MACROD2: variants seen among roughly 807,000 people sequenced by gnomAD.
MACROD2 encodes the protein mono-ADP ribosylhydrolase 2.
MACROD2 carries 36 observed loss-of-function variants against 70.4 expected under a neutral mutation model. The observed-to-expected ratio is 0.51, with a 90% CI of 0.39 to 0.68. The LOEUF (loss-of-function observed/expected upper bound fraction) is 0.68. MACROD2 is among the 30% of genes least tolerant of loss of function. The pLI is 0.00. For missense variants in MACROD2, 496 were observed against 538.4 expected (o/e 0.92, Z 0.78); for synonymous variants, 172 against 178.8 (o/e 0.96, Z 0.30).
At position 14,393,200 on chromosome 20, in the gene MACROD2, TG is replaced by T. The variant is rs368528434; in HGVS notation, c.272-100278del. On this transcript the variant is annotated intron_variant, in intron 3 of 17. Coordinates refer to ENST00000684519, the MANE Select transcript of MACROD2 (RefSeq NM_001351661.2). Reference sequence around the variant, plus strand: ...CTAAGATATGGTTTCACAATACATGTGAAACACATTTAGGTCAGGAGTTTAG... The same window carrying T: ...CTAAGATATGGTTTCACAATACATGTAAACACATTTAGGTCAGGAGTTTAG... 4.3e-3 allele frequency among the ~76,000 whole-genome samples: 650 copies of T among 152,208 alleles called. 1 individual carries two copies. The highest frequency in any genetic ancestry group is 7.7e-3 in the Non-Finnish European group (524 of 68,014).
chr20:15,676,170 T>G (rs1185946339), intron 8 of MACROD2, among the ~76,000 whole-genome samples: 1 of 152,226 alleles, frequency 6.6e-6, no homozygotes, highest in Admixed American at 6.5e-5. Context: ...TTGTACAATT[T>G]TTTGCTCTTT....
intron 5 of MACROD2, among the ~76,000 whole-genome samples, chr20:14,862,516 TATAA>T (rs1445278568): frequency 2.4e-4 from 6 of 24,564 alleles, no homozygotes; most frequent in African/African-American, 2.9e-4. Context: ...TAAATATATA[TATAA>T]ATATAAATAT....
intron 3 of MACROD2, among the ~76,000 whole-genome samples, chr20:14,428,498 A>AT (rs1218134635): frequency 6.6e-6 from 1 of 152,128 alleles, no homozygotes; most frequent in Non-Finnish European, 1.5e-5. Context: ...CAGATTAGGC[A>AT]TATTGGTACT....
intron 8 of MACROD2, among the ~76,000 whole-genome samples, chr20:15,803,251 C>T (rs1225865610): frequency 3.9e-5 from 6 of 152,148 alleles, no homozygotes; most frequent in African/African-American, 1.4e-4. Flanking sequence ...AGATGCAAAA[C>T]TCCTTAATAA....
At chr20:14,695,543 A>T (rs1440717177) in intron 5 of MACROD2, among the ~76,000 whole-genome samples, 12 of 152,194 alleles carry the variant, frequency 7.9e-5, no homozygotes, top group Admixed American at 5.9e-4. Flanking sequence ...ACTCTCTCTG[A>T]GCATGGCCAG....
chr20:15,021,375 C>T (rs1039545370), intron 5 of MACROD2, among the ~76,000 whole-genome samples: 27 of 37,604 alleles, frequency 7.2e-4, no homozygotes, highest in Middle Eastern at 7.5e-3. Flanking sequence ...TGTATGCATA[C>T]GCAGTCTTCT....
At chr20:16,002,977 A>G (rs1322735422) in intron 15 of MACROD2, among the ~76,000 whole-genome samples, 1 of 152,050 alleles carries the variant, frequency 6.6e-6, no homozygotes, top group Non-Finnish European at 1.5e-5. Context: ...TTGCACTTTC[A>G]ATGATGTTTA....
chr20:14,267,071 T>G (rs1397648348), intron 3 of MACROD2, among the ~76,000 whole-genome samples: 1 of 152,152 alleles, frequency 6.6e-6, no homozygotes, highest in Non-Finnish European at 1.5e-5. Context: ...GTGTCAGGTC[T>G]TAATTACAGA....
chr20:14,456,572 T>C (rs1464199278), intron 3 of MACROD2, among the ~76,000 whole-genome samples: 1 of 151,784 alleles, frequency 6.6e-6, no homozygotes, highest in Non-Finnish European at 1.5e-5. Context: ...TTATATTCAT[T>C]AGCCCATAAA....
chr20:14,024,133 T>C (rs1276618981), intron 2 of MACROD2, among the ~76,000 whole-genome samples: 5 of 152,244 alleles, frequency 3.3e-5, no homozygotes, highest in Admixed American at 1.3e-4. Context: ...GTAAGTTGTA[T>C]TCCTAGGTAT....
At chr20:15,000,111 C>A (rs568507809) in intron 5 of MACROD2, among the ~76,000 whole-genome samples, 1 of 152,184 alleles carries the variant, frequency 6.6e-6, no homozygotes, top group Admixed American at 6.5e-5. Flanking sequence ...TGGTTTCTTT[C>A]AGATGAAAAA....
chr20:14,553,885 T>A (rs971255037), intron 4 of MACROD2, among the ~76,000 whole-genome samples: 1 of 152,150 alleles, frequency 6.6e-6, no homozygotes, highest in African/African-American at 2.4e-5. Flanking sequence ...CTAAGACATT[T>A]CAAAATTCTG....
chr20:15,665,395 A>G (rs948441476), intron 8 of MACROD2, among the ~76,000 whole-genome samples: 1 of 152,060 alleles, frequency 6.6e-6, no homozygotes, highest in African/African-American at 2.4e-5. Context: ...AGAGGATATA[A>G]CTCACCCCTT....
chr20:15,093,408 A>G (rs1213469908), intron 5 of MACROD2, among the ~76,000 whole-genome samples: 2 of 151,230 alleles, frequency 1.3e-5, no homozygotes, highest in Non-Finnish European at 3.0e-5. Context: ...TTTCATTTTT[A>G]TTTTTTCTTC....
chr20:14,743,849 A>G (rs1007599195), intron 5 of MACROD2, among the ~76,000 whole-genome samples: 3 of 152,150 alleles, frequency 2.0e-5, no homozygotes, highest in Non-Finnish European at 4.4e-5. Context: ...AACTGGATGT[A>G]GTCTTAACAG....
chr20:15,166,596 T>A (rs2076385634), intron 5 of MACROD2, among the ~76,000 whole-genome samples: 1 of 151,982 alleles, frequency 6.6e-6, no homozygotes, highest in Non-Finnish European at 1.5e-5. Context: ...AAGTATAAGA[T>A]CATCTCAATA....
chr20:14,152,854 C>T (rs1375374058), intron 3 of MACROD2, among the ~76,000 whole-genome samples: 1 of 152,134 alleles, frequency 6.6e-6, no homozygotes, highest in Non-Finnish European at 1.5e-5. Context: ...TTCATGGATT[C>T]TATCATAATG....
intron 12 of MACROD2, among the ~76,000 whole-genome samples, chr20:15,957,398 G>T (rs2065992421): frequency 6.6e-6 from 1 of 152,164 alleles, no homozygotes. Flanking sequence ...CAGTCTCACA[G>T]TTGTTTCTCC....
chr20:14,662,077 A>G (rs1351421151), intron 4 of MACROD2, among the ~76,000 whole-genome samples: 1 of 152,112 alleles, frequency 6.6e-6, no homozygotes, highest in African/African-American at 2.4e-5. Flanking sequence ...TCAGAAAGCT[A>G]AAAAGGACAT....
Sources: allele counts gnomAD v4.1 joint callset (sites outside exome capture counted in the v4.1 genomes callset), GRCh38; gene constraint gnomAD v4.1.1; transcripts MANE v1.5; gene names NCBI Gene and HGNC (gene_info 2026-07-23, HGNC 2026-07-21).